Variants in DCAF8L2 observed in about 807,000 individuals in gnomAD.
DCAF8L2 encodes the protein DDB1- and CUL4-associated factor 8-like protein 2.
For synonymous variants in DCAF8L2, 200 were observed against 190.9 expected, an observed-to-expected ratio of 1.05 and a Z score of -0.39; for missense variants, 430 against 490.7, an observed-to-expected ratio of 0.88 and a Z score of 1.17.
the DCAF8L2 span, among the ~76,000 whole-genome samples, chrX:27,503,389 A>C: frequency 1.8e-5 from 2 of 110,782 alleles, no homozygotes; most frequent in Admixed American, 9.6e-5. Flanking sequence ...CTAGGTCATA[A>C]ATTTTTTTCT....
At chrX:27,740,462 C>A (rs1921783938) in intron 4 of DCAF8L2, among the ~76,000 whole-genome samples, 1 of 111,586 alleles carries the variant, frequency 9.0e-6, no homozygotes, top group African/African-American at 3.3e-5. Flanking sequence ...CCCCTACTGG[C>A]AAGCTCCCAA....
the DCAF8L2 span, among the ~76,000 whole-genome samples, chrX:27,551,665 A>G: frequency 0.094 from 10,500 of 111,121 alleles, 392 homozygotes; most frequent in Non-Finnish European, 0.12. Context: ...AAAGGATTTC[A>G]TTACTTTTTT....
rs781032649 is a variant in DCAF8L2 at position 27,665,377 on chromosome X, A to C, written c.-219-12459A>C. On this transcript the variant is annotated intron_variant, in intron 2 of 4. Transcript: ENST00000451261. ...GATGTGACTGAATTGCTGCAATTTC[A>C]TCATAAAAGTTTAATGGATGAAGAA... is the stretch of plus-strand genomic sequence containing the variant. Among the ~76,000 whole-genome samples the C allele has an allele frequency of 1.3e-4, 15 of 111,990 alleles. No individual in the cohort carries two copies. The South Asian group carries it at 5.6e-3, about 41-fold the overall frequency.
chrX:27,599,944 G>A (rs959697059), intron 1 of DCAF8L2, among the ~76,000 whole-genome samples: 8 of 111,874 alleles, frequency 7.2e-5, no homozygotes, highest in South Asian at 3.7e-4. Flanking sequence ...ACATCTTTAC[G>A]AAAAGAAAAA....
In DCAF8L2 at chrX:27,747,867, G is replaced by T. The variant is rs977893155; in HGVS notation, c.972G>T (p.Leu324Phe). 1.7e-6 allele frequency: 2 copies of T among 1,208,608 alleles called. No homozygotes were observed. Among genetic ancestry groups the T allele is most frequent in the East Asian group, 5.9e-5 (2 of 33,702 alleles). The stretch of plus-strand genomic sequence containing the variant: ...AGCACAGGGGACCTGCCCACAAGTT[G>T]GCTCTGGAGCCTGACTCTCCTTATA... ...VAQHRGPAHK[L>F]ALEPDSPYKF... is the part of the protein sequence containing the mutation. The change falls in exon 5 of 5, where the codon TTG becomes TTT. Residue 324 changes from leucine to phenylalanine, a missense_variant. By Grantham distance (22) the Leu-to-Phe change is conservative. Coordinates refer to ENST00000451261, the MANE Select transcript of DCAF8L2 (RefSeq NM_001353450.2).
intron 2 of DCAF8L2, among the ~76,000 whole-genome samples, chrX:27,660,173 C>G (rs755873566): frequency 9.0e-6 from 1 of 111,010 alleles, no homozygotes; most frequent in Non-Finnish European, 1.9e-5. Flanking sequence ...CAGGCACCCA[C>G]CATCACGCCC....
intron 1 of DCAF8L2, among the ~76,000 whole-genome samples, chrX:27,630,004 T>A (rs1928218883): frequency 8.9e-6 from 1 of 111,763 alleles, no homozygotes; most frequent in Non-Finnish European, 1.9e-5. Context: ...TAGTTTTCAG[T>A]GCAAAAGTCT....
At chrX:27,648,204 A>T (rs1462999436) in intron 2 of DCAF8L2, among the ~76,000 whole-genome samples, 1 of 111,254 alleles carries the variant, frequency 9.0e-6, no homozygotes, top group Non-Finnish European at 1.9e-5. Context: ...AAATTAGCAG[A>T]TAAAGATTAT....
intron 2 of DCAF8L2, among the ~76,000 whole-genome samples, chrX:27,643,757 G>A (rs1024662326): frequency 5.4e-5 from 6 of 111,427 alleles, no homozygotes; most frequent in Admixed American, 1.9e-4. Context: ...TGAACACATC[G>A]TGTTCCTGAT....
chrX:27,644,911 C>T (rs990817843), intron 2 of DCAF8L2, among the ~76,000 whole-genome samples: 8 of 111,692 alleles, frequency 7.2e-5, no homozygotes, highest in African/African-American at 2.0e-4. Context: ...CGTGCCACCA[C>T]GCCCAACTAA....
Position 27,748,470 on chromosome X carries a change from A to G in DCAF8L2, c.1575A>G (p.Leu525=). 8.3e-7 allele frequency: 1 copy of G among 1,208,866 alleles called. No individual in the cohort carries two copies. The highest frequency in any genetic ancestry group is 1.1e-6 in the Non-Finnish European group (1 of 893,774). ...TINCLEPHPY[L]PVLACSGLDH... ...ACTGTCTTGAACCCCACCCTTACCT[A>G]CCTGTGTTGGCGTGCAGTGGCCTAG... The change falls in exon 5 of 5, where the codon CTA becomes CTG. Residue 525 remains leucine, a synonymous_variant. Coordinates refer to ENST00000451261, the MANE Select transcript of DCAF8L2 (RefSeq NM_001353450.2).
At chrX:27,526,566 G>A in the DCAF8L2 span, among the ~76,000 whole-genome samples, 1 of 112,719 alleles carries the variant, frequency 8.9e-6, no homozygotes, top group South Asian at 3.6e-4. Context: ...CATTGCTGGC[G>A]AGGAGCTGTT....
intron 4 of DCAF8L2, among the ~76,000 whole-genome samples, chrX:27,718,794 A>G (rs957073552): frequency 9.0e-6 from 1 of 111,695 alleles, no homozygotes; most frequent in African/African-American, 3.3e-5. Context: ...AATGGAATTT[A>G]AAATCTTGGT....
intron 1 of DCAF8L2, chrX:27,627,349 C>G (rs1476077892): frequency 9.2e-6 from 1 of 109,220 alleles, no homozygotes; most frequent in Non-Finnish European, 1.9e-5. Context: ...CTTTTTAAAA[C>G]AGCTTTACTG....
chrX:27,547,840 TC>T, the DCAF8L2 span, among the ~76,000 whole-genome samples: 46 of 88,784 alleles, frequency 5.2e-4, no homozygotes, highest in Middle Eastern at 6.1e-3. Flanking sequence ...TCTCTCTCTC[TC>T]TCTTTCTCTC....
At chrX:27,635,786 C>CATGT (rs1555922200) in intron 2 of DCAF8L2, among the ~76,000 whole-genome samples, 2 of 90,422 alleles carry the variant, frequency 2.2e-5, no homozygotes, top group Admixed American at 1.2e-4. Context: ...TTTCCTTTTA[C>CATGT]GTGTGTGTGT....
At chrX:27,508,355 T>C in the DCAF8L2 span, among the ~76,000 whole-genome samples, 1 of 110,994 alleles carries the variant, frequency 9.0e-6, no homozygotes, top group Non-Finnish European at 1.9e-5. Context: ...ACTTTTAATA[T>C]GAAGTAGAAG....
At chrX:27,590,673 T>C (rs1394098898) in intron 1 of DCAF8L2, among the ~76,000 whole-genome samples, 1 of 110,933 alleles carries the variant, frequency 9.0e-6, no homozygotes, top group Non-Finnish European at 1.9e-5. Context: ...AACACAATGC[T>C]GCACTTCTAG....
At chrX:27,546,534 G>T in the DCAF8L2 span, among the ~76,000 whole-genome samples, 2 of 112,358 alleles carry the variant, frequency 1.8e-5, no homozygotes, top group Non-Finnish European at 3.8e-5. Context: ...CCCAGCAGAA[G>T]TTCTCCATAA....
Sources: allele counts gnomAD v4.1 joint callset (sites outside exome capture counted in the v4.1 genomes callset), GRCh38; gene constraint gnomAD v4.1.1; transcripts MANE v1.5; gene names NCBI Gene and HGNC (gene_info 2026-07-23, HGNC 2026-07-21).